CAPN12: variants seen among roughly 807,000 people sequenced by gnomAD.
The protein encoded by CAPN12 is calpain-12.
In CAPN12, 107 loss-of-function variants were observed where a neutral mutation model predicts 95.0. That is an observed-to-expected ratio of 1.13 (90% CI 0.96 to 1.32). The LOEUF is 1.32. Among genes scored for constraint, CAPN12 ranks in the 40% most tolerant of loss-of-function variants. The pLI is 0.00. For missense variants in CAPN12, 1,136 were observed against 997.8 expected (o/e 1.14, Z -1.87); for synonymous variants, 505 against 415.5 (o/e 1.22, Z -2.62).
In CAPN12 at chr19:38,731,432, C is replaced by T. The variant is rs535464324; in HGVS notation, c.1958-209G>A. 27 of 596,784 alleles carry T rather than the reference C, an allele frequency of 4.5e-5. No individual in the cohort carries two copies. In the African/African-American group the frequency reaches 5.0e-4, roughly 11 times the overall value. The allele number at this position is 596,784 out of a possible 1,614,324, so 37.0% of individuals were successfully genotyped here. ...CAAACGGACTAAGACAGCCCCGACC[C>T]CATAGGGTGTGTGAAGACAGAACGC... On this transcript the variant is annotated intron_variant, in intron 18 of 20. Transcript: ENST00000328867.
At chr19:38,735,313 G>A (rs1969944330) in intron 14 of CAPN12, 57 bp downstream of exon 14, 5 of 1,496,280 alleles carry the variant, frequency 3.3e-6, no homozygotes, top group Non-Finnish European at 3.6e-6. Context: ...GGGGGAAGGG[G>A]GGTCCCCAAG....
intron 4 of CAPN12, among the ~76,000 whole-genome samples, chr19:38,741,344 A>T (rs760050719): frequency 1.3e-5 from 2 of 152,000 alleles, no homozygotes; most frequent in Non-Finnish European, 2.9e-5. Context: ...AGGCCAAGGA[A>T]GGTGGATCAC....
rs544138819 is a variant in CAPN12, at chr19:38,738,867, C to T, written c.730-219G>A. The stretch of plus-strand genomic sequence containing the variant: ...ACAAAAGGAGATGGAGGTACGGGCT[C>T]ACGCCTGTAATCCCAGCACTTAGGG... On this transcript the variant is annotated intron_variant, in intron 5 of 20. Transcript: ENST00000328867. 22 of 587,134 alleles carry T rather than the reference C, an allele frequency of 3.7e-5. No individual in the cohort carries two copies. In the South Asian group the frequency reaches 4.4e-4, roughly 12 times the overall value. The allele number at this position is 587,134 out of a possible 1,614,324, so 36.4% of individuals were successfully genotyped here. A position where few individuals can be genotyped will look rare whatever the true frequency, so the allele number is the denominator to read the frequency against.
intron 14 of CAPN12, 133 bp downstream of exon 14, chr19:38,735,237 G>A: frequency 2.3e-6 from 2 of 867,596 alleles, no homozygotes; most frequent in South Asian, 1.8e-5. Flanking sequence ...TTCAAGAAAA[G>A]GTCAGGAGAT....
rs1224823913 is a variant in CAPN12 at position 38,731,039 on chromosome 19, C to G, written c.2075-16G>C. 2 of 1,556,896 alleles carry G rather than the reference C, an allele frequency of 1.3e-6. No individual in the cohort carries two copies. The highest frequency in any genetic ancestry group is 8.7e-7 in the Non-Finnish European group (1 of 1,150,916). On this transcript the variant is annotated splice_polypyrimidine_tract_variant and intron_variant, in intron 19 of 20. Coordinates refer to ENST00000328867, the MANE Select transcript of CAPN12 (RefSeq NM_144691.4). ...CTGCAGTGGCCTGTGCAGAGAGGGG[C>G]AGGGTGAGTGCCCACCAGTCCCCGT...
At chr19:38,736,497 GCCCCAGGGCAGGTTGACCAA>G in intron 11 of CAPN12, 35 bp downstream of exon 11, 6 of 1,532,174 alleles carry the variant, frequency 3.9e-6, no homozygotes, top group African/African-American at 1.4e-5. Flanking sequence ...GGTTGACCAA[GCCCCAGGGCAGGTTGACCAA>G]GCCCCAGGGC....
chr19:38,730,928 A>C, intron 20 of CAPN12, 37 bp downstream of exon 20: 2 of 1,550,530 alleles, frequency 1.3e-6, no homozygotes, highest in East Asian at 4.9e-5. Flanking sequence ...CTCGCAGGAC[A>C]GAGCCTGAGC....
chr19:38,738,764 G>C, intron 5 of CAPN12, 116 bp from the exon 6 acceptor site: 1 of 837,316 alleles, frequency 1.2e-6, no homozygotes, highest in South Asian at 1.4e-5. Flanking sequence ...GAACTGAATG[G>C]CACGCAGCTC....
chr19:38,738,079 C>T (rs1668563162), intron 8 of CAPN12, among the ~76,000 whole-genome samples, 194 bp downstream of exon 8: 1 of 152,118 alleles, frequency 6.6e-6, no homozygotes, highest in Non-Finnish European at 1.5e-5. Flanking sequence ...TTTTTAAACC[C>T]ACTCCAATCA....
chr19:38,734,217 TC>T lies in CAPN12; in HGVS notation c.1816-14del. On this transcript the variant is annotated splice_polypyrimidine_tract_variant and intron_variant, in intron 16 of 20. Coordinates refer to ENST00000328867, the MANE Select transcript of CAPN12 (RefSeq NM_144691.4). ...GGCTTTGCCCATGCTGTGTTGGGGGTCGGGGGCATCTGGTTAAGGTCAATCT... is the reference window on the plus strand; with the variant it reads ...GGCTTTGCCCATGCTGTGTTGGGGGTGGGGGCATCTGGTTAAGGTCAATCT... 3 of 1,612,396 alleles carry T rather than the reference TC, an allele frequency of 1.9e-6. No homozygotes were observed. In the South Asian group the frequency reaches 3.3e-5, roughly 18 times the overall value.
At chr19:38,734,586 C>G in intron 15 of CAPN12, 197 bp from the exon 16 acceptor site, 1 of 658,118 alleles carries the variant, frequency 1.5e-6, no homozygotes, top group South Asian at 2.0e-5. Flanking sequence ...AGTCTGTGCT[C>G]AAGGCAGCCT....
chr19:38,737,097 C>T lies in CAPN12; in HGVS notation c.1362+59G>A, dbSNP rs1970242076. Reference sequence around the variant, plus strand: ...TCCATGCCTCCCCCGCTCCTTGGCCCGGCCCCGCCCCTCCACCCTCCGGGT... The same window carrying T: ...TCCATGCCTCCCCCGCTCCTTGGCCTGGCCCCGCCCCTCCACCCTCCGGGT... On this transcript the variant is annotated intron_variant, in intron 10 of 20. Coordinates refer to ENST00000328867, the MANE Select transcript of CAPN12 (RefSeq NM_144691.4). 6 of 1,383,830 alleles carry T rather than the reference C, an allele frequency of 4.3e-6. 1 individual carries two copies. In the South Asian group the frequency reaches 5.1e-5, roughly 12 times the overall value. 85.7% of individuals were successfully genotyped at this position (1,383,830 alleles called of 1,614,324 possible).
rs1970756978 is a variant in CAPN12, at chr19:38,744,185, G to A, written c.-20C>T. The A allele has an allele frequency of 1.2e-6, 2 of 1,610,234 alleles. No individual in the cohort carries two copies. Among genetic ancestry groups the A allele is most frequent in the African/African-American group, 1.3e-5 (1 of 74,890 alleles). On this transcript the variant is annotated 5_prime_UTR_variant, in exon 1 of 21. Coordinates refer to ENST00000328867, the MANE Select transcript of CAPN12 (RefSeq NM_144691.4). The stretch of plus-strand genomic sequence containing the variant: ...TGCCATCTGGACACTGGCCTCACAA[G>A]CCGGCACCAGGCCCTTTAACCTCCT...
In CAPN12 at chr19:38,735,534, C is replaced by A. The variant is rs763561323; in HGVS notation, c.1594G>T (p.Asp532Tyr). 13 of 1,610,100 alleles carry A rather than the reference C, an allele frequency of 8.1e-6. No homozygotes were observed. In the Admixed American group the frequency reaches 2.2e-4, roughly 27 times the overall value. Reference protein sequence around the residue: ...ERRHTAVEIDDVISADLQSLQ... With the variant: ...ERRHTAVEIDYVISADLQSLQ... ...GACTGCAGGTCTGCGCTGATCACGT[C>A]GTCGATCTCCCTGCAAATTACAGAT... Residue 532 changes from aspartate to tyrosine, a missense_variant, in exon 13 of 21, where the codon GAC becomes TAC. Physicochemically the swap from Asp to Tyr is radical, Grantham distance 160. Coordinates refer to ENST00000328867, the MANE Select transcript of CAPN12 (RefSeq NM_144691.4).
chr19:38,742,177 T>A, intron 3 of CAPN12: 2 of 614,716 alleles, frequency 3.3e-6, no homozygotes, highest in South Asian at 2.0e-5. Context: ...TAAGAAAAAA[T>A]TAGCTGGGCA....
intron 2 of CAPN12, among the ~76,000 whole-genome samples, 169 bp downstream of exon 2, chr19:38,742,864 A>G (rs930769352): frequency 6.7e-6 from 1 of 148,732 alleles, no homozygotes; most frequent in African/African-American, 2.5e-5. Context: ...AAAAAAAAAA[A>G]AAAAAAAAGG....
intron 9 of CAPN12, 25 bp from the exon 10 acceptor site, chr19:38,737,413 T>G (rs1414972563): frequency 5.6e-6 from 9 of 1,605,656 alleles, no homozygotes; most frequent in Middle Eastern, 1.7e-4. Flanking sequence ...AAAAAGGGGG[T>G]TTCCTAGCCG....
At chr19:38,743,377 T>C (rs1329767853) in intron 1 of CAPN12, among the ~76,000 whole-genome samples, 1 of 60,306 alleles carries the variant, frequency 1.7e-5, no homozygotes, top group Admixed American at 1.8e-4. Context: ...GCCCAGCCCC[T>C]CCTCCCTCAG....
At position 38,737,403 on chromosome 19, in the gene CAPN12, A is replaced by C. The variant is rs374341596; in HGVS notation, c.1130-15T>G. ...CCAGAAGGTTTCTAAGGGAGGAGGA[A>C]AAAAGGGGGTTTCCTAGCCGGCCAC... On this transcript the variant is annotated splice_polypyrimidine_tract_variant and intron_variant, in intron 9 of 20. Coordinates refer to ENST00000328867, the MANE Select transcript of CAPN12 (RefSeq NM_144691.4). 5.6e-6 allele frequency: 9 copies of C among 1,609,334 alleles called. No homozygotes were observed. Among genetic ancestry groups the C allele is most frequent in the Non-Finnish European group, 7.6e-6 (9 of 1,178,278 alleles).
Sources: gnomAD v4.1 joint callset for allele counts (sites outside exome capture counted in the v4.1 genomes callset) on GRCh38, gnomAD v4.1.1 for gene constraint, MANE v1.5 for transcripts, NCBI Gene and HGNC (gene_info 2026-07-23, HGNC 2026-07-21) for gene names.